DMXL1: variants seen among roughly 807,000 people sequenced by gnomAD.
DMXL1 encodes the protein dmX-like protein 1.
DMXL1 carries 99 observed loss-of-function variants against 319.2 expected under a neutral mutation model. The observed-to-expected ratio is 0.31, with a 90% CI of 0.26 to 0.37. The LOEUF is 0.37. Among genes scored for constraint, DMXL1 ranks in the 10% least tolerant of loss-of-function variants. DMXL1 has a pLI of 1.00. For synonymous variants in DMXL1, 1,385 were observed against 1,235.2 expected (o/e 1.12, Z -2.54); for missense variants, 3,745 against 3,595.6 (o/e 1.04, Z -1.06).
Position 119,071,201 on chromosome 5 carries a change from A to G in DMXL1, c.-369A>G, listed in dbSNP as rs376219808. 28 of 267,466 alleles carry G rather than the reference A, an allele frequency of 1.0e-4. No individual in the cohort carries two copies. In the East Asian group the frequency reaches 1.8e-3, roughly 18 times the overall value. 16.6% of individuals were successfully genotyped at this position (267,466 alleles called of 1,614,324 possible). A position where few individuals can be genotyped will look rare whatever the true frequency, so the allele number is the denominator to read the frequency against. Reference sequence around the variant, plus strand: ...CTGCTTGCGCCACTCGGGCTGGGTCAGGAGCGGCTGCCCGAGGTCCAGAGG... The same window carrying G: ...CTGCTTGCGCCACTCGGGCTGGGTCGGGAGCGGCTGCCCGAGGTCCAGAGG... On this transcript the variant is annotated 5_prime_UTR_variant, in exon 1 of 44. Transcript: ENST00000539542.
intron 34 of DMXL1, 37 bp downstream of exon 34, chr5:119,206,933 T>G: frequency 7.8e-7 from 1 of 1,284,036 alleles, no homozygotes; most frequent in Non-Finnish European, 1.1e-6. Flanking sequence ...AAAAATTGCA[T>G]TCTTTCACAA....
chr5:119,081,551 C>T (rs1401578755), intron 1 of DMXL1: 1 of 984,880 alleles, frequency 1.0e-6, no homozygotes, highest in African/African-American at 1.7e-5. Context: ...TAGTTGGCTT[C>T]TGGTTAAGTT....
chr5:119,213,625 A>G (rs753759187), intron 34 of DMXL1, among the ~76,000 whole-genome samples: 1 of 152,190 alleles, frequency 6.6e-6, no homozygotes, highest in Non-Finnish European at 1.5e-5. Context: ...AACACCATAA[A>G]CAAACCACCC....
intron 24 of DMXL1, 59 bp from the exon 25 acceptor site, chr5:119,171,719 A>C: frequency 2.9e-6 from 4 of 1,371,526 alleles, no homozygotes; most frequent in African/African-American, 1.5e-5. Context: ...TGATTTACTG[A>C]AGTAATGGTT....
intron 13 of DMXL1, 72 bp downstream of exon 13, chr5:119,134,461 T>A: frequency 1.5e-6 from 2 of 1,291,580 alleles, no homozygotes; most frequent in Middle Eastern, 2.8e-4. Flanking sequence ...TTATTGGGCA[T>A]GTTCTACAAT....
At chr5:119,107,077 C>G (rs550602850) in intron 4 of DMXL1, among the ~76,000 whole-genome samples, 1 of 151,998 alleles carries the variant, frequency 6.6e-6, no homozygotes, top group East Asian at 1.9e-4. Flanking sequence ...TGGTTCAAAC[C>G]TGTAATATCA....
intron 3 of DMXL1, among the ~76,000 whole-genome samples, chr5:119,104,867 C>T (rs372641560): frequency 1.3e-5 from 2 of 152,080 alleles, no homozygotes; most frequent in Admixed American, 6.6e-5. Flanking sequence ...AAGCCACAGA[C>T]ACATTTAAAA....
intron 28 of DMXL1, among the ~76,000 whole-genome samples, chr5:119,187,031 A>C (rs1004265970): frequency 1.3e-5 from 2 of 152,200 alleles, no homozygotes; most frequent in Admixed American, 1.3e-4. Flanking sequence ...TTATGTAACA[A>C]ACCTGCACGT....
chr5:119,155,580 T>C (rs1770829353), intron 19 of DMXL1, among the ~76,000 whole-genome samples: 1 of 152,142 alleles, frequency 6.6e-6, no homozygotes, highest in Non-Finnish European at 1.5e-5. Flanking sequence ...GGCTCATCCC[T>C]GTAATCTCAA....
At chr5:119,185,295 G>C (rs545646147) in intron 28 of DMXL1, among the ~76,000 whole-genome samples, 27 of 152,118 alleles carry the variant, frequency 1.8e-4, no homozygotes, top group Non-Finnish European at 3.8e-4. Flanking sequence ...ATATTCTGGT[G>C]AATCATTTTG....
chr5:119,201,983 C>T (rs1780786905), intron 32 of DMXL1, among the ~76,000 whole-genome samples: 2 of 151,996 alleles, frequency 1.3e-5, no homozygotes, highest in Admixed American at 1.3e-4. Context: ...GTCTAGCTGG[C>T]AGTCTGTCTG....
rs1224110652 is a variant in DMXL1 at position 119,240,438 on chromosome 5, A to G, written c.8671A>G (p.Thr2891Ala). Residue 2891 changes from threonine (T) to alanine (A), a missense_variant, in exon 42 of 44, where the codon ACT (threonine) becomes GCT (alanine). Thr to Ala is a moderately conservative substitution (Grantham distance 58). Coordinates refer to ENST00000539542, the MANE Select transcript of DMXL1 (RefSeq NM_001290321.3). ...TDNRNVCLWD[T>A]LVAPANSLVH... ...TTCCAGAAACGTATGTTTGTGGGAT[A>G]CTCTTGTAGCACCTGCCAATAGTTT... 1.9e-6 allele frequency: 3 copies of G among 1,602,730 alleles called. No individual in the cohort carries two copies. The East Asian group carries it at 6.7e-5, about 36-fold the overall frequency.
intron 9 of DMXL1, 75 bp downstream of exon 9, chr5:119,121,214 G>C: frequency 1.6e-6 from 2 of 1,262,286 alleles, no homozygotes; most frequent in Non-Finnish European, 2.1e-6. Context: ...TATACTTTTA[G>C]TTTTCAAATA....
chr5:119,109,787 A>T (rs930004537), intron 4 of DMXL1, among the ~76,000 whole-genome samples: 24 of 152,144 alleles, frequency 1.6e-4, no homozygotes, highest in African/African-American at 5.8e-4. Context: ...AAAGCTTTGC[A>T]TGCATTTCTA....
intron 13 of DMXL1, among the ~76,000 whole-genome samples, chr5:119,143,317 AT>A (rs1419213517): frequency 3.3e-5 from 5 of 152,008 alleles, no homozygotes; most frequent in Admixed American, 3.3e-4. Context: ...AAGAAAAAAA[AT>A]ATTTCAAGGA....
chr5:119,195,027 A>C (rs564824645), intron 30 of DMXL1, among the ~76,000 whole-genome samples: 3 of 152,124 alleles, frequency 2.0e-5, no homozygotes, highest in African/African-American at 7.2e-5. Flanking sequence ...CAGTTTCCCA[A>C]TGAGACAACA....
chr5:119,071,719 C>G, intron 1 of DMXL1, 63 bp downstream of exon 1: 5 of 1,457,876 alleles, frequency 3.4e-6, no homozygotes, highest in Admixed American at 2.3e-5. Flanking sequence ...CTGGGCCGAG[C>G]TTGGCCCAGA....
In DMXL1 at chr5:119,247,442, AATACATAT is replaced by A. The variant is rs1398986150; in HGVS notation, c.*224_*231del. The A allele has an allele frequency of 2.4e-6, 1 of 413,176 alleles. No homozygotes were observed. Among genetic ancestry groups the A allele is most frequent in the African/African-American group, 2.0e-5 (1 of 50,340 alleles). 25.6% of individuals were successfully genotyped at this position (413,176 alleles called of 1,614,324 possible). The stretch of plus-strand genomic sequence containing the variant: ...TAGAATGTGTAAGTAATGCTGTAAT[AATACATAT>A]CATAGTATATTATAATCAGTATGTC... On this transcript the variant is annotated 3_prime_UTR_variant, in exon 44 of 44. Transcript: ENST00000539542.
At chr5:119,201,458 G>GT (rs1458625471) in intron 32 of DMXL1, among the ~76,000 whole-genome samples, 6 of 152,034 alleles carry the variant, frequency 3.9e-5, no homozygotes, top group Non-Finnish European at 1.5e-5. Context: ...GTGCTGCTGG[G>GT]TTTGGTTTGC....
Sources: gnomAD v4.1 joint callset for allele counts (sites outside exome capture counted in the v4.1 genomes callset) on GRCh38, gnomAD v4.1.1 for gene constraint, MANE v1.5 for transcripts, NCBI Gene and HGNC (gene_info 2026-07-23, HGNC 2026-07-21) for gene names.